The following VGLL4 variants were observed in gnomAD, a reference collection of about 807,000 sequenced individuals.
The protein encoded by VGLL4 is transcription cofactor vestigial-like protein 4.
In VGLL4, 7 loss-of-function variants were observed where a neutral mutation model predicts 21.0. The ratio of observed to expected loss-of-function variants is 0.33; its 90% confidence interval spans 0.19 to 0.63. VGLL4 has a LOEUF of 0.63. Among genes scored for constraint, VGLL4 ranks in the 20% least tolerant of loss-of-function variants. VGLL4 has a pLI of 0.78. For synonymous variants in VGLL4, 222 were observed against 173.2 expected, an observed-to-expected ratio of 1.28 and a Z score of -2.21; for missense variants, 394 against 425.7, an observed-to-expected ratio of 0.93 and a Z score of 0.66.
At chr3:11,716,289 T>G in intron 1 of VGLL4, among the ~76,000 whole-genome samples, 2 of 127,496 alleles carry the variant, frequency 1.6e-5, no homozygotes, top group African/African-American at 6.2e-5. Context: ...GCAACAAGAG[T>G]GAAACTCTGT....
intron 2 of VGLL4, chr3:11,702,780 G>T: frequency 5.3e-6 from 2 of 374,010 alleles, no homozygotes; most frequent in South Asian, 5.5e-5. Context: ...ATAGTTAAGT[G>T]CCAGTTAAAA....
chr3:11,619,804 T>C (rs1307720504), intron 1 of VGLL4, among the ~76,000 whole-genome samples: 1 of 152,202 alleles, frequency 6.6e-6, no homozygotes, highest in East Asian at 1.9e-4. Context: ...AGATGTTACA[T>C]TGTAAGAGGC....
In VGLL4 at chr3:11,564,827, C is replaced by T. The variant is rs1184181383; in HGVS notation, c.465G>A (p.Ser155=). 3.2e-6 allele frequency: 5 copies of T among 1,586,984 alleles called. No individual in the cohort carries two copies. Among genetic ancestry groups the T allele is most frequent in the Middle Eastern group, 1.7e-4 (1 of 5,968 alleles). The change falls in exon 3 of 5, where the codon TCG becomes TCA. Residue 155 remains serine (S), a synonymous_variant. Coordinates refer to ENST00000430365, the MANE Select transcript of VGLL4 (RefSeq NM_001128219.3). ...SLDASRPAGL[S]PTLTPGERQQ... ...GCCGCTCCCCCGGGGTCAGTGTGGG[C>T]GAGAGGCCGGCTGGCCTGCTGGCGT...
intron 2 of VGLL4, among the ~76,000 whole-genome samples, chr3:11,692,733 GTTTT>G (rs1259057860): frequency 8.4e-6 from 1 of 119,316 alleles, no homozygotes. Flanking sequence ...GTTTGGGTTG[GTTTT>G]TTTGAGGGGG....
chr3:11,628,814 T>C (rs1380174221), intron 1 of VGLL4, among the ~76,000 whole-genome samples: 5 of 152,200 alleles, frequency 3.3e-5, no homozygotes, highest in African/African-American at 7.2e-5. Flanking sequence ...AGCGAGACTC[T>C]GTCTCAAACA....
chr3:11,573,781 GT>G (rs2073947759), intron 2 of VGLL4, among the ~76,000 whole-genome samples: 1 of 152,146 alleles, frequency 6.6e-6, no homozygotes, highest in Non-Finnish European at 1.5e-5. Context: ...GTTGAACTGT[GT>G]CCCCCTGAAA....
Position 11,601,731 on chromosome 3 carries a change from A to C in VGLL4, c.272+102T>G, listed in dbSNP as rs1386483367. ...TTTGTAAATAATATCCTTTTCAAAT[A>C]AAGTATGCAAATGATAACATCAGAA... On this transcript the variant is annotated intron_variant, in intron 2 of 4. Coordinates refer to ENST00000430365, the MANE Select transcript of VGLL4 (RefSeq NM_001128219.3). 3 of 1,308,140 alleles carry C rather than the reference A, an allele frequency of 2.3e-6. No individual in the cohort carries two copies. The East Asian group carries it at 7.4e-5, about 32-fold the overall frequency. 81.0% of individuals were successfully genotyped at this position (1,308,140 alleles called of 1,614,324 possible).
Position 11,665,978 on chromosome 3 carries a change from C to T in VGLL4, c.64+36993G>A, listed in dbSNP as rs145879095. Among the ~76,000 whole-genome samples, 85 of 152,254 alleles carry T rather than the reference C, an allele frequency of 5.6e-4. No homozygotes were observed. In the East Asian group the frequency reaches 7.5e-3, roughly 14 times the overall value. ...TAGAAAGTTCATTCTGGGCCGGGCG[C>T]GGTGGCTCACGCCTGTAATCCCAAC... is the stretch of plus-strand genomic sequence containing the variant. On this transcript the variant is annotated intron_variant, in intron 2 of 5. Coordinates refer to the VGLL4 transcript ENST00000273038.
At chr3:11,659,457 G>A (rs1000820525) in intron 2 of VGLL4, among the ~76,000 whole-genome samples, 6 of 150,682 alleles carry the variant, frequency 4.0e-5, no homozygotes, top group African/African-American at 1.5e-4. Flanking sequence ...TCAGCCTCCC[G>A]AGTAGCTGGG....
chr3:11,587,269 T>C (rs1276557816), intron 2 of VGLL4, among the ~76,000 whole-genome samples: 2 of 152,206 alleles, frequency 1.3e-5, no homozygotes, highest in African/African-American at 2.4e-5. Flanking sequence ...AATGAGGTTC[T>C]AGAGGAATCC....
At chr3:11,606,468 G>A (rs6793495) in intron 1 of VGLL4, among the ~76,000 whole-genome samples, 65,675 of 152,168 alleles carry the variant, frequency 0.43, 16,918 homozygotes, top group African/African-American at 0.71. Context: ...ACACGTGTAC[G>A]CTGCTGGTAG....
chr3:11,599,671 A>G (rs143106774), intron 2 of VGLL4, among the ~76,000 whole-genome samples: 6,680 of 128,280 alleles, frequency 0.052, 868 homozygotes, highest in East Asian at 0.17. Context: ...GGCATGCACC[A>G]CCACACCCAG....
chr3:11,561,089 G>A (rs2072947338), intron 3 of VGLL4, among the ~76,000 whole-genome samples: 1 of 151,920 alleles, frequency 6.6e-6, no homozygotes, highest in East Asian at 1.9e-4. Flanking sequence ...GGCCCTTCCT[G>A]AGCCTGGCTG....
intron 1 of VGLL4, among the ~76,000 whole-genome samples, chr3:11,620,238 G>A (rs937968097): frequency 6.6e-6 from 1 of 152,210 alleles, no homozygotes; most frequent in Non-Finnish European, 1.5e-5. Context: ...AAATAGGAAA[G>A]ACTGGATTTA....
At chr3:11,623,267 C>T (rs553632820) in intron 1 of VGLL4, among the ~76,000 whole-genome samples, 3 of 152,308 alleles carry the variant, frequency 2.0e-5, no homozygotes, top group South Asian at 2.1e-4. Flanking sequence ...ATTTTATTTT[C>T]AGCAGAGTGA....
At chr3:11,597,102 C>A (rs1022196636) in intron 2 of VGLL4, among the ~76,000 whole-genome samples, 3 of 152,110 alleles carry the variant, frequency 2.0e-5, no homozygotes, top group African/African-American at 7.2e-5. Flanking sequence ...TCTTGTTTGT[C>A]AACTCTGGGA....
intron 2 of VGLL4, among the ~76,000 whole-genome samples, chr3:11,589,224 C>T (rs563140025): frequency 7.9e-5 from 12 of 152,280 alleles, no homozygotes; most frequent in African/African-American, 2.9e-4. Flanking sequence ...GATAACAGCA[C>T]TGGACTAGGG....
chr3:11,578,899 G>A (rs942516168), intron 2 of VGLL4, among the ~76,000 whole-genome samples: 3 of 151,738 alleles, frequency 2.0e-5, no homozygotes, highest in Non-Finnish European at 4.4e-5. Flanking sequence ...ACAAGCGCCC[G>A]CCACCACGCC....
At chr3:11,642,861 G>A (rs1246824232) in intron 1 of VGLL4, among the ~76,000 whole-genome samples, 5 of 152,192 alleles carry the variant, frequency 3.3e-5, no homozygotes. Flanking sequence ...TCCCCGGGCT[G>A]CACAGGAAGC....
Sources: allele counts gnomAD v4.1 joint callset (sites outside exome capture counted in the v4.1 genomes callset), GRCh38; gene constraint gnomAD v4.1.1; transcripts MANE v1.5; gene names NCBI Gene and HGNC (gene_info 2026-07-23, HGNC 2026-07-21).